Variants in TSPAN18 observed in about 807,000 individuals in gnomAD.
The protein encoded by TSPAN18 is tetraspanin 18.
Under a neutral mutation model 27.3 loss-of-function variants are expected in TSPAN18, and 14 were observed. The ratio of observed to expected loss-of-function variants is 0.51; its 90% confidence interval spans 0.34 to 0.80. The LOEUF is 0.80. Among genes scored for constraint, TSPAN18 ranks in the 30% least tolerant of loss-of-function variants. TSPAN18 has a pLI of 0.01. For synonymous variants in TSPAN18, 143 were observed against 136.5 expected, an observed-to-expected ratio of 1.05 and a Z score of -0.33; for missense variants, 268 against 323.9, an observed-to-expected ratio of 0.83 and a Z score of 1.32.
At chr11:44,908,758 GAGA>G (rs140261912) in intron 4 of TSPAN18, among the ~76,000 whole-genome samples, 2,324 of 61,676 alleles carry the variant, frequency 0.038, 331 homozygotes, top group African/African-American at 0.089. Flanking sequence ...GAGAGAGAGA[GAGA>G]GAGAAAGGAG....
intron 2 of TSPAN18, among the ~76,000 whole-genome samples, chr11:44,782,360 G>T (rs1459160248): frequency 6.6e-6 from 1 of 152,008 alleles, no homozygotes; most frequent in Non-Finnish European, 1.5e-5. Flanking sequence ...TGGCCAACAT[G>T]GTGAAACCCC....
chr11:44,919,688 T>C, intron 7 of TSPAN18, 129 bp from the exon 8 acceptor site: 1 of 900,870 alleles, frequency 1.1e-6, no homozygotes, highest in Non-Finnish European at 1.8e-6. Flanking sequence ...CACACAGTGG[T>C]GACAGGTGGA....
At chr11:44,889,046 C>A (rs541638482) in intron 3 of TSPAN18, among the ~76,000 whole-genome samples, 307 of 152,310 alleles carry the variant, frequency 2.0e-3, no homozygotes, top group African/African-American at 6.9e-3. Context: ...CTCCTGCCAC[C>A]CAGTGAAGAG....
At position 44,930,469 on chromosome 11, in the gene TSPAN18, C is replaced by T. The variant is rs1304109084; in HGVS notation, c.*1291C>T. 4.4e-6 allele frequency: 1 copy of T among 228,350 alleles called. No individual in the cohort carries two copies. The highest frequency in any genetic ancestry group is 1.3e-4 in the East Asian group (1 of 7,848). The allele number at this position is 228,350 out of a possible 1,614,324, so 14.1% of individuals were successfully genotyped here. A position where few individuals can be genotyped will look rare whatever the true frequency, so the allele number is the denominator to read the frequency against. Reference sequence around the variant, plus strand: ...CACATTGACTCCCCTGAGCCCTCTTCTCTCCAGGCTAAAGAATCCCGAAGG... The same window carrying T: ...CACATTGACTCCCCTGAGCCCTCTTTTCTCCAGGCTAAAGAATCCCGAAGG... On this transcript the variant is annotated 3_prime_UTR_variant, in exon 10 of 10. Coordinates refer to ENST00000520358, the MANE Select transcript of TSPAN18 (RefSeq NM_130783.5).
intron 8 of TSPAN18, among the ~76,000 whole-genome samples, chr11:44,921,566 C>A (rs1388819140): frequency 6.6e-6 from 1 of 152,190 alleles, no homozygotes; most frequent in Non-Finnish European, 1.5e-5. Context: ...GCTGTGCCCA[C>A]CCCTCCTTTT....
At chr11:44,915,075 T>C (rs1314637621) in intron 5 of TSPAN18, among the ~76,000 whole-genome samples, 1 of 152,206 alleles carries the variant, frequency 6.6e-6, no homozygotes, top group Non-Finnish European at 1.5e-5. Flanking sequence ...TCGTCCATTA[T>C]TTATCACTGT....
At position 44,921,675 on chromosome 11, in the gene TSPAN18, G is replaced by A. The variant is rs138358654; in HGVS notation, c.615+1676G>A. Among the ~76,000 whole-genome samples, 262 of 152,280 alleles carry A rather than the reference G, an allele frequency of 1.7e-3. 1 individual carries two copies. The highest frequency in any genetic ancestry group is 5.9e-3 in the African/African-American group (245 of 41,548). On this transcript the variant is annotated intron_variant, in intron 8 of 9. Coordinates refer to ENST00000520358, the MANE Select transcript of TSPAN18 (RefSeq NM_130783.5). ...CACGTACAGTTCCATGGCATACAGCGGCCACCATAGCGTGGGGTTTATGTG... is the reference window on the plus strand; with the variant it reads ...CACGTACAGTTCCATGGCATACAGCAGCCACCATAGCGTGGGGTTTATGTG...
chr11:44,844,067 A>T (rs544050034), intron 2 of TSPAN18, among the ~76,000 whole-genome samples: 1 of 152,350 alleles, frequency 6.6e-6, no homozygotes, highest in South Asian at 2.1e-4. Flanking sequence ...TGAAATCTTT[A>T]CAATTTATGT....
chr11:44,811,894 G>A (rs550681301), intron 2 of TSPAN18, among the ~76,000 whole-genome samples: 2 of 152,298 alleles, frequency 1.3e-5, no homozygotes, highest in East Asian at 3.9e-4. Context: ...GGCTGCTATT[G>A]GTAAAATTAG....
At chr11:44,856,718 T>C (rs1857748476) in intron 2 of TSPAN18, among the ~76,000 whole-genome samples, 1 of 152,210 alleles carries the variant, frequency 6.6e-6, no homozygotes, top group South Asian at 2.1e-4. Context: ...TTCATGTTGC[T>C]CATGGTCTCC....
intron 2 of TSPAN18, among the ~76,000 whole-genome samples, chr11:44,815,243 G>A (rs1856797418): frequency 6.6e-6 from 1 of 152,248 alleles, no homozygotes; most frequent in African/African-American, 2.4e-5. Context: ...TCCAGGCACA[G>A]ACTAGAGTGA....
intron 5 of TSPAN18, 67 bp from the exon 6 acceptor site, chr11:44,917,905 A>AT: frequency 6.8e-7 from 1 of 1,462,504 alleles, no homozygotes; most frequent in Non-Finnish European, 9.6e-7. Flanking sequence ...GGACGGATGC[A>AT]TTGGCCAGTG....
chr11:44,918,329 C>T (rs753870147), intron 6 of TSPAN18, among the ~76,000 whole-genome samples: 16 of 152,168 alleles, frequency 1.1e-4, no homozygotes, highest in East Asian at 1.9e-4. Flanking sequence ...TGCCTAGTAA[C>T]GGCCCAGTGA....
chr11:44,742,750 G>A (rs1854975189), intron 1 of TSPAN18, among the ~76,000 whole-genome samples: 1 of 152,180 alleles, frequency 6.6e-6, no homozygotes, highest in African/African-American at 2.4e-5. Flanking sequence ...GCTTGGTACC[G>A]CTAATGCAAA....
chr11:44,922,555 G>A (rs1461286463), intron 8 of TSPAN18, among the ~76,000 whole-genome samples: 1 of 152,188 alleles, frequency 6.6e-6, no homozygotes, highest in Non-Finnish European at 1.5e-5. Context: ...GTTGCTCTGT[G>A]GCCCCCTGGT....
At chr11:44,883,723 G>A (rs1308941902) in intron 3 of TSPAN18, among the ~76,000 whole-genome samples, 3 of 152,182 alleles carry the variant, frequency 2.0e-5, no homozygotes, top group Non-Finnish European at 4.4e-5. Flanking sequence ...CTTTCTACTG[G>A]GGTTTCTGAT....
intron 2 of TSPAN18, among the ~76,000 whole-genome samples, chr11:44,766,554 C>T (rs546379874): frequency 1.3e-5 from 2 of 152,294 alleles, no homozygotes; most frequent in African/African-American, 2.4e-5. Flanking sequence ...CAGGGGAAGT[C>T]GTGGGCCTCA....
chr11:44,819,930 G>A (rs746918741), intron 2 of TSPAN18, among the ~76,000 whole-genome samples: 5 of 152,136 alleles, frequency 3.3e-5, no homozygotes, highest in Non-Finnish European at 7.3e-5. Context: ...GGGAAAGGGA[G>A]TTGATTTGCT....
At chr11:44,863,094 G>A (rs1857940083) in intron 3 of TSPAN18, among the ~76,000 whole-genome samples, 1 of 152,196 alleles carries the variant, frequency 6.6e-6, no homozygotes, top group African/African-American at 2.4e-5. Flanking sequence ...AGGGTCCAGA[G>A]CTGAAATATA....
Sources: allele counts gnomAD v4.1 joint callset (sites outside exome capture counted in the v4.1 genomes callset), GRCh38; gene constraint gnomAD v4.1.1; transcripts MANE v1.5; gene names NCBI Gene and HGNC (gene_info 2026-07-23, HGNC 2026-07-21).